Variants in ATP9A observed in about 807,000 individuals in gnomAD.
ATP9A encodes the protein probable phospholipid-transporting ATPase IIA.
Under a neutral mutation model 144.1 loss-of-function variants are expected in ATP9A, and 52 were observed. That is an observed-to-expected ratio of 0.36 (90% CI 0.29 to 0.45). The LOEUF is 0.45. Ranked by LOEUF, ATP9A falls within the 20% of genes least tolerant of loss-of-function variation. The probability of loss-of-function intolerance (pLI) is 1.00; values close to 1 mark genes in which losing one functional copy is unlikely to be tolerated. For synonymous variants in ATP9A, 582 were observed against 557.4 expected, an observed-to-expected ratio of 1.04 and a Z score of -0.62; for missense variants, 947 against 1,392.7, an observed-to-expected ratio of 0.68 and a Z score of 5.09.
chr20:51,648,239 A>AT (rs2077349592), intron 14 of ATP9A, among the ~76,000 whole-genome samples: 1 of 151,974 alleles, frequency 6.6e-6, no homozygotes, highest in South Asian at 2.1e-4. Flanking sequence ...AAACAAACCA[A>AT]CCAACCTCGT....
chr20:51,726,267 C>T (rs951043164), intron 2 of ATP9A, among the ~76,000 whole-genome samples: 4 of 137,630 alleles, frequency 2.9e-5, no homozygotes, highest in African/African-American at 5.4e-5. Context: ...GAGCCAAGAT[C>T]GCACCATTGC....
intron 27 of ATP9A, among the ~76,000 whole-genome samples, chr20:51,601,588 C>T (rs2077143410): frequency 6.6e-6 from 1 of 152,198 alleles, no homozygotes; most frequent in Non-Finnish European, 1.5e-5. Flanking sequence ...CAGTGAAATG[C>T]TACTTTTAAC....
intron 14 of ATP9A, among the ~76,000 whole-genome samples, chr20:51,653,516 G>A (rs186366885): frequency 1.1e-4 from 17 of 152,254 alleles, no homozygotes; most frequent in African/African-American, 3.6e-4. Context: ...GCTGGGTGCG[G>A]TGGTTACGCC....
rs564118011 is a variant in ATP9A, at chr20:51,619,869, C to CAAAA, written c.2116-830_2116-827dup. ...GGGCAACAAGAGCAAAACTCTGTCTCAAAAAAAAAAAAAAAAAAAGCCTGT... is the reference window on the plus strand; with the variant it reads ...GGGCAACAAGAGCAAAACTCTGTCTCAAAAAAAAAAAAAAAAAAAAAAAGCCTGT... On this transcript the variant is annotated intron_variant, in intron 19 of 27. Coordinates refer to ENST00000338821, the MANE Select transcript of ATP9A (RefSeq NM_006045.3). Among the ~76,000 whole-genome samples, 557 of 83,676 alleles carry CAAAA rather than the reference C, an allele frequency of 6.7e-3. 12 individuals are homozygous for CAAAA. Among genetic ancestry groups the CAAAA allele is most frequent in the African/African-American group, 0.014 (301 of 22,130 alleles). 54.9% of individuals were successfully genotyped at this position (83,676 alleles called of 152,430 possible). A position where few individuals can be genotyped will look rare whatever the true frequency, so the allele number is the denominator to read the frequency against.
chr20:51,726,184 G>A (rs541274887), intron 2 of ATP9A, among the ~76,000 whole-genome samples: 1 of 151,972 alleles, frequency 6.6e-6, no homozygotes, highest in Admixed American at 6.5e-5. Context: ...GTGGTGGCAG[G>A]CACCTATAAT....
Position 51,601,134 on chromosome 20 carries a change from G to A in ATP9A, c.*77C>T, listed in dbSNP as rs189755928. 765 of 1,474,932 alleles carry A rather than the reference G, an allele frequency of 5.2e-4. No individual in the cohort carries two copies. Among genetic ancestry groups the A allele is most frequent in the Non-Finnish European group, 6.4e-4 (708 of 1,102,586 alleles). The allele number at this position is 1,474,932 out of a possible 1,614,324, so 91.4% of individuals were successfully genotyped here. On this transcript the variant is annotated 3_prime_UTR_variant, in exon 28 of 28. Transcript: ENST00000338821. ...AATTACTGCAAAATCCACAGGTGGC[G>A]GTTAATATAAATGGAACTTGAGCTC...
intron 27 of ATP9A, 97 bp downstream of exon 27, chr20:51,604,720 G>A (rs748193230): frequency 7.2e-5 from 83 of 1,153,330 alleles, no homozygotes; most frequent in Middle Eastern, 2.7e-4. Flanking sequence ...AGCCCAGGCC[G>A]AGCGCTGGGA....
At chr20:51,728,292 A>C (rs1391848209) in intron 2 of ATP9A, among the ~76,000 whole-genome samples, 1 of 151,936 alleles carries the variant, frequency 6.6e-6, no homozygotes, top group Non-Finnish European at 1.5e-5. Context: ...AGTTGGGGGG[A>C]GTTGAGGAAA....
intron 1 of ATP9A, among the ~76,000 whole-genome samples, chr20:51,747,060 G>A (rs974937393): frequency 2.0e-5 from 3 of 149,728 alleles, no homozygotes; most frequent in Non-Finnish European, 4.4e-5. Context: ...GGAAACTTTT[G>A]CTCTTCCTTC....
At chr20:51,719,326 C>T (rs2077677905) in intron 3 of ATP9A, among the ~76,000 whole-genome samples, 1 of 152,172 alleles carries the variant, frequency 6.6e-6, no homozygotes, top group Non-Finnish European at 1.5e-5. Flanking sequence ...GTCCAATTCA[C>T]ATACTGCTTT....
At chr20:51,735,275 G>T (rs1046353603) in intron 1 of ATP9A, among the ~76,000 whole-genome samples, 4 of 152,250 alleles carry the variant, frequency 2.6e-5, no homozygotes, top group African/African-American at 9.6e-5. Flanking sequence ...GCTAAAAGGT[G>T]TGTGTAGGAT....
rs2077364647 is a variant in ATP9A, at chr20:51,651,301, ATTTACATAATATATTATATAATATATAT to A, written c.1506+5609_1506+5636del. Among the ~76,000 whole-genome samples the A allele has an allele frequency of 4.7e-5, 6 of 126,466 alleles. 1 individual carries two copies. The highest frequency in any genetic ancestry group is 1.0e-4 in the Non-Finnish European group (6 of 60,120). The allele number at this position is 126,466 out of a possible 152,430, so 83.0% of individuals were successfully genotyped here. A position where few individuals can be genotyped will look rare whatever the true frequency, so the allele number is the denominator to read the frequency against. On this transcript the variant is annotated intron_variant, in intron 14 of 27. Coordinates refer to ENST00000338821, the MANE Select transcript of ATP9A (RefSeq NM_006045.3). The stretch of plus-strand genomic sequence containing the variant: ...TTACATAATATATTATATAATATAT[ATTTACATAATATATTATATAATATATAT>A]TTACATAATATATTATATAATATAT...
At chr20:51,742,324 CAAA>C (rs74175576) in intron 1 of ATP9A, among the ~76,000 whole-genome samples, 11 of 118,088 alleles carry the variant, frequency 9.3e-5, no homozygotes, top group African/African-American at 1.2e-4. Context: ...AACACTGTCT[CAAA>C]AAAAAAAAAA....
rs115600782 is a variant in ATP9A, at chr20:51,633,295, C to T, written c.1669-4223G>A. Among the ~76,000 whole-genome samples, 522 of 152,184 alleles carry T rather than the reference C, an allele frequency of 3.4e-3. 4 individuals carry two copies. Among genetic ancestry groups the T allele is most frequent in the African/African-American group, 0.012 (506 of 41,516 alleles). Reference sequence around the variant, plus strand: ...AATACGAAAAAATTCTCATCGTATACATATAGTTCAATGAGGGAGGAAGTT... The same window carrying T: ...AATACGAAAAAATTCTCATCGTATATATATAGTTCAATGAGGGAGGAAGTT... On this transcript the variant is annotated intron_variant, in intron 15 of 27. Transcript: ENST00000338821.
chr20:51,620,972 A>C (rs575634910), intron 19 of ATP9A, among the ~76,000 whole-genome samples: 1 of 151,870 alleles, frequency 6.6e-6, no homozygotes, highest in East Asian at 1.9e-4. Context: ...AAATGGTGAA[A>C]CCCGTCTCTA....
intron 14 of ATP9A, among the ~76,000 whole-genome samples, chr20:51,655,868 A>G (rs1288236463): frequency 6.6e-6 from 1 of 152,326 alleles, no homozygotes; most frequent in Non-Finnish European, 1.5e-5. Context: ...TAGACAAAAA[A>G]AAAAATCCAA....
intron 23 of ATP9A, among the ~76,000 whole-genome samples, chr20:51,610,852 A>G (rs1490608501): frequency 1.3e-5 from 2 of 152,224 alleles, no homozygotes; most frequent in African/African-American, 2.4e-5. Flanking sequence ...TTTTGAAAAG[A>G]GCATGGTGAC....
At chr20:51,761,450 C>T (rs2077879978) in intron 1 of ATP9A, among the ~76,000 whole-genome samples, 2 of 152,134 alleles carry the variant, frequency 1.3e-5, no homozygotes, top group African/African-American at 4.8e-5. Context: ...ACAGCTTCTC[C>T]TCATTGTTGT....
At chr20:51,766,730 A>C (rs896024648) in intron 1 of ATP9A, among the ~76,000 whole-genome samples, 19 of 151,864 alleles carry the variant, frequency 1.3e-4, no homozygotes, top group African/African-American at 4.6e-4. Context: ...AATCCCAGCT[A>C]CTCGGGAGGT....
Sources: allele counts gnomAD v4.1 joint callset (sites outside exome capture counted in the v4.1 genomes callset), GRCh38; gene constraint gnomAD v4.1.1; transcripts MANE v1.5; gene names NCBI Gene and HGNC (gene_info 2026-07-23, HGNC 2026-07-21).